ADAMTS14: variants seen among roughly 807,000 people sequenced by gnomAD.
The protein encoded by ADAMTS14 is A disintegrin and metalloproteinase with thrombospondin motifs 14.
A neutral mutation model predicts 128.6 loss-of-function variants in ADAMTS14; 100 were observed. The ratio of observed to expected loss-of-function variants is 0.78; its 90% CI spans 0.66 to 0.92. The LOEUF (loss-of-function observed/expected upper bound fraction) is 0.92. ADAMTS14 is among the 40% of genes least tolerant of loss of function. The probability of loss-of-function intolerance (pLI) is 0.00; values close to 1 mark genes in which losing one functional copy is unlikely to be tolerated. For synonymous variants in ADAMTS14, 665 were observed against 653.8 expected (o/e 1.02, Z -0.26); for missense variants, 1,562 against 1,658.6 (o/e 0.94, Z 1.01).
Position 70,760,413 on chromosome 10 carries a change from C to T in ADAMTS14, c.3232C>T (p.Arg1078Cys), listed in dbSNP as rs757762785. ...SVFCQMEVLD[R>C]YCSIPGYHRL... The stretch of plus-strand genomic sequence containing the variant: ...CTTCTGCCAGATGGAAGTGCTCGAT[C>T]GCTACTGCTCCATTCCCGGCTACCA... The change falls in exon 22 of 22, where the codon CGC (arginine) becomes TGC (cysteine). Residue 1078 changes from arginine to cysteine, a missense_variant. Arg to Cys is a radical substitution (Grantham distance 180). Transcript: ENST00000373207. 62 of 1,608,742 alleles carry T rather than the reference C, an allele frequency of 3.9e-5. No homozygotes were observed. The highest frequency in any genetic ancestry group is 9.9e-5 in the South Asian group (9 of 90,526).
At chr10:70,724,522 C>T (rs11813680) in intron 4 of ADAMTS14, among the ~76,000 whole-genome samples, 2 of 152,214 alleles carry the variant, frequency 1.3e-5, no homozygotes, top group African/African-American at 4.8e-5. Context: ...AGTCTGTCAG[C>T]GAGCTACCTG....
intron 4 of ADAMTS14, among the ~76,000 whole-genome samples, chr10:70,718,447 G>C (rs1011431418): frequency 2.6e-5 from 4 of 152,008 alleles, no homozygotes; most frequent in African/African-American, 9.7e-5. Context: ...GAGTGCAGTG[G>C]TGCGATCTCG....
In ADAMTS14 at chr10:70,708,790, T is replaced by C. The variant is rs774416382; in HGVS notation, c.870+12T>C. The C allele has an allele frequency of 5.2e-6, 7 of 1,357,936 alleles. No individual in the cohort carries two copies. In the African/African-American group the frequency reaches 6.0e-5, roughly 12 times the overall value. 84.1% of individuals were successfully genotyped at this position (1,357,936 alleles called of 1,614,324 possible). A position where few individuals can be genotyped will look rare whatever the true frequency, so the allele number is the denominator to read the frequency against. On this transcript the variant is annotated intron_variant, in intron 4 of 21. Coordinates refer to ENST00000373207, the MANE Select transcript of ADAMTS14 (RefSeq NM_080722.4). ...CCCTCATGAATATCGTGAGTGTCCA[T>C]GTGTCCTAGGACTTGGGGGGAGTGG...
intron 19 of ADAMTS14, among the ~76,000 whole-genome samples, chr10:70,757,695 G>A (rs558559203): frequency 1.1e-4 from 17 of 152,294 alleles, no homozygotes; most frequent in African/African-American, 3.8e-4. Flanking sequence ...CGTTTAGATT[G>A]TGGAAAGGCC....
chr10:70,737,288 G>A (rs1394057542), intron 10 of ADAMTS14, among the ~76,000 whole-genome samples: 4 of 152,210 alleles, frequency 2.6e-5, no homozygotes, highest in African/African-American at 9.7e-5. Context: ...CCTCATGCAT[G>A]TGTGGGTGCC....
intron 3 of ADAMTS14, among the ~76,000 whole-genome samples, chr10:70,707,285 A>G (rs1840696962): frequency 6.6e-6 from 1 of 152,154 alleles, no homozygotes; most frequent in Non-Finnish European, 1.5e-5. Context: ...CCCCTAATAC[A>G]TGCTGGGGAT....
rs369441126 is a variant in ADAMTS14 at position 70,757,946 on chromosome 10, G to A, written c.2938-16G>A. On this transcript the variant is annotated splice_polypyrimidine_tract_variant and intron_variant, in intron 19 of 21. Transcript: ENST00000373207. ...GACCCCGGCCGCTATGCCTGGCACT[G>A]ACCCACCCACGGCAGTGCTCTGCCA... is the stretch of plus-strand genomic sequence containing the variant. 6.2e-5 allele frequency: 99 copies of A among 1,595,844 alleles called. No individual in the cohort carries two copies. The African/African-American group carries it at 1.2e-3, about 19-fold the overall frequency.
At chr10:70,760,261 T>C in intron 21 of ADAMTS14, 99 bp from the exon 22 acceptor site, 1 of 1,446,230 alleles carries the variant, frequency 6.9e-7, no homozygotes, top group Non-Finnish European at 9.2e-7. Flanking sequence ...GGGGCAGGGG[T>C]GGAGGGCGGG....
chr10:70,676,430 G>A (rs533617385), intron 2 of ADAMTS14, among the ~76,000 whole-genome samples: 1 of 152,322 alleles, frequency 6.6e-6, no homozygotes, highest in South Asian at 2.1e-4. Flanking sequence ...TCATCCCATT[G>A]AAGGTGGTAG....
intron 4 of ADAMTS14, among the ~76,000 whole-genome samples, chr10:70,715,141 G>A (rs983054036): frequency 6.6e-5 from 10 of 152,108 alleles, no homozygotes; most frequent in Non-Finnish European, 7.4e-5. Context: ...CTTTATGACC[G>A]TGAAATTCCC....
intron 4 of ADAMTS14, among the ~76,000 whole-genome samples, chr10:70,727,973 G>A (rs1841497997): frequency 6.6e-6 from 1 of 152,132 alleles, no homozygotes; most frequent in Non-Finnish European, 1.5e-5. Context: ...GCGGGTGCCT[G>A]TAGTCCCAGC....
chr10:70,739,945 G>T (rs1258553025), intron 11 of ADAMTS14, among the ~76,000 whole-genome samples: 1 of 152,160 alleles, frequency 6.6e-6, no homozygotes, highest in African/African-American at 2.4e-5. Flanking sequence ...TCATCTGTCG[G>T]GAATACAAAG....
rs1312966256 is a variant in ADAMTS14, at chr10:70,753,976, C to T, written c.2906C>T (p.Pro969Leu). The T allele has an allele frequency of 3.2e-6, 5 of 1,578,978 alleles. 2 individuals carry two copies. In the South Asian group the frequency reaches 4.6e-5, roughly 15 times the overall value. The change falls in exon 19 of 22, where the codon CCA (proline) becomes CTA (leucine). Residue 969 changes from proline (P) to leucine (L), a missense_variant. Pro to Leu is a moderately conservative substitution (Grantham distance 98). Transcript: ENST00000373207. ...CGGCCCTGTCTCCGAGTGCCCTGCCCAGCCCAGTGGAGGCTGGGAGCCTGG... is the reference window on the plus strand; with the variant it reads ...CGGCCCTGTCTCCGAGTGCCCTGCCTAGCCCAGTGGAGGCTGGGAGCCTGG... ...ARRPCLRVPC[P>L]AQWRLGAWSQ...
intron 2 of ADAMTS14, among the ~76,000 whole-genome samples, chr10:70,683,566 G>A (rs1839875704): frequency 6.6e-6 from 1 of 152,208 alleles, no homozygotes; most frequent in South Asian, 2.1e-4. Flanking sequence ...GGCAGCACAG[G>A]CTCTCCTGGG....
chr10:70,696,550 G>C (rs892941758), intron 2 of ADAMTS14, among the ~76,000 whole-genome samples: 3 of 152,184 alleles, frequency 2.0e-5, no homozygotes, highest in Non-Finnish European at 4.4e-5. Context: ...CCAGGGTGGA[G>C]AAGCTTCCCT....
intron 3 of ADAMTS14, among the ~76,000 whole-genome samples, chr10:70,704,913 C>T (rs1395858533): frequency 1.3e-5 from 2 of 152,022 alleles, no homozygotes; most frequent in South Asian, 2.1e-4. Context: ...TACCCACCCG[C>T]ACTCACACAC....
chr10:70,695,333 T>C (rs1840301140), intron 2 of ADAMTS14, among the ~76,000 whole-genome samples: 1 of 152,164 alleles, frequency 6.6e-6, no homozygotes, highest in Admixed American at 6.5e-5. Flanking sequence ...TAGCAAGCTG[T>C]ATGTGATTCA....
chr10:70,721,854 G>A (rs550998979), intron 4 of ADAMTS14, among the ~76,000 whole-genome samples: 5 of 152,326 alleles, frequency 3.3e-5, no homozygotes, highest in South Asian at 2.1e-4. Context: ...GCCTGCCATC[G>A]AGAGCAGGGA....
At chr10:70,698,632 A>G (rs1189111250) in intron 2 of ADAMTS14, among the ~76,000 whole-genome samples, 1 of 152,198 alleles carries the variant, frequency 6.6e-6, no homozygotes, top group Non-Finnish European at 1.5e-5. Context: ...GGATGCACGC[A>G]ATGGGACAAG....
Sources: allele counts gnomAD v4.1 joint callset (sites outside exome capture counted in the v4.1 genomes callset), GRCh38; gene constraint gnomAD v4.1.1; transcripts MANE v1.5; gene names NCBI Gene and HGNC (gene_info 2026-07-23, HGNC 2026-07-21).